Variants in A1CF observed in about 807,000 individuals in gnomAD.
A1CF encodes APOBEC-1 stimulating protein.
In A1CF, 48 loss-of-function variants were observed where a neutral mutation model predicts 68.9. The observed-to-expected ratio is 0.70, with a 90% confidence interval of 0.55 to 0.89. A1CF has a LOEUF of 0.89. A1CF is among the 40% of genes least tolerant of loss of function. A1CF has a pLI of 0.00. For missense variants in A1CF, 653 were observed against 718.9 expected (o/e 0.91, Z 1.05); for synonymous variants, 272 against 260.4 (o/e 1.04, Z -0.43).
chr10:50,847,887 T>A (rs1275359459), intron 3 of A1CF, among the ~76,000 whole-genome samples: 3 of 152,164 alleles, frequency 2.0e-5, no homozygotes, highest in African/African-American at 7.2e-5. Flanking sequence ...GGTTTTGGGT[T>A]TTGTTCTTAA....
At chr10:50,856,477 A>G (rs1200857279) in intron 3 of A1CF, among the ~76,000 whole-genome samples, 1 of 152,128 alleles carries the variant, frequency 6.6e-6, no homozygotes, top group African/African-American at 2.4e-5. Context: ...GCTAGTCAAT[A>G]TTACTTAAAG....
Position 50,844,060 on chromosome 10 carries a change from C to G in A1CF, c.162G>C (p.Arg54Ser). The G allele has an allele frequency of 6.2e-7, 1 of 1,613,724 alleles. No homozygotes were observed. Among genetic ancestry groups the G allele is most frequent in the Non-Finnish European group, 8.5e-7 (1 of 1,179,858 alleles). ...PPGWDAAPPE[R>S]GCEIFIGKLP... ...GTTTTCCAATAAAAATTTCACAGCCCCTTTCAGGGGGTGCAGCATCCCAAC... is the reference window on the plus strand; with the variant it reads ...GTTTTCCAATAAAAATTTCACAGCCGCTTTCAGGGGGTGCAGCATCCCAAC... The change falls in exon 4 of 13, where the codon AGG (arginine) becomes AGC (serine). Residue 54 changes from arginine to serine, a missense_variant. Physicochemically the swap from Arg to Ser is moderately radical, Grantham distance 110. Coordinates refer to ENST00000373997, the MANE Select transcript of A1CF (RefSeq NM_014576.4).
At chr10:50,859,676 G>T (rs1840650790) in intron 3 of A1CF, among the ~76,000 whole-genome samples, 166 bp downstream of exon 3, 1 of 152,236 alleles carries the variant, frequency 6.6e-6, no homozygotes, top group Non-Finnish European at 1.5e-5. Flanking sequence ...TACATTCAGT[G>T]TCATCTACAA....
At chr10:50,849,221 T>C (rs2132482063) in intron 3 of A1CF, among the ~76,000 whole-genome samples, 1 of 152,346 alleles carries the variant, frequency 6.6e-6, no homozygotes, top group Non-Finnish European at 1.5e-5. Context: ...TATTCATTTC[T>C]AAATTGTATA....
chr10:50,875,723 T>C (rs1291576433), intron 1 of A1CF, among the ~76,000 whole-genome samples: 1 of 152,224 alleles, frequency 6.6e-6, no homozygotes, highest in Non-Finnish European at 1.5e-5. Flanking sequence ...ATTACTGGAC[T>C]TACCCTGAGC....
At chr10:50,842,894 C>T (rs551086962) in intron 4 of A1CF, among the ~76,000 whole-genome samples, 1 of 152,272 alleles carries the variant, frequency 6.6e-6, no homozygotes, top group Admixed American at 6.5e-5. Context: ...AGGGCTAGGG[C>T]CTCCAGAGCA....
chr10:50,812,156 T>C (rs1838145672), intron 10 of A1CF, among the ~76,000 whole-genome samples: 1 of 152,232 alleles, frequency 6.6e-6, no homozygotes, highest in Non-Finnish European at 1.5e-5. Flanking sequence ...GAGCATTCTC[T>C]ACAGTTCTTG....
At chr10:50,809,162 T>C (rs963592017) in intron 12 of A1CF, among the ~76,000 whole-genome samples, 1 of 152,168 alleles carries the variant, frequency 6.6e-6, no homozygotes, top group African/African-American at 2.4e-5. Context: ...TTTTAAAATG[T>C]GACCTCTGAA....
Position 50,828,299 on chromosome 10 carries a change from T to A in A1CF, c.605-4A>T. 1 of 1,540,274 alleles carries A rather than the reference T, an allele frequency of 6.5e-7. No homozygotes were observed. The highest frequency in any genetic ancestry group is 2.3e-5 in the East Asian group (1 of 43,810). ...TGTCCCCATAACTGAATTCTTCCTG[T>A]TGAAAATGATCACCATTATGATTAA... On this transcript the variant is annotated splice_polypyrimidine_tract_variant and splice_region_variant and intron_variant, in intron 6 of 12. Coordinates refer to ENST00000373997, the MANE Select transcript of A1CF (RefSeq NM_014576.4).
chr10:50,857,932 A>G (rs1191021158), intron 3 of A1CF, among the ~76,000 whole-genome samples: 1 of 152,178 alleles, frequency 6.6e-6, no homozygotes, highest in Non-Finnish European at 1.5e-5. Context: ...AGATCGTAAA[A>G]AGAATCTCAC....
At chr10:50,844,150 G>A (rs1380054608) in intron 3 of A1CF, 28 bp from the exon 4 acceptor site, 30 of 1,597,312 alleles carry the variant, frequency 1.9e-5, no homozygotes, top group African/African-American at 5.4e-5. Flanking sequence ...GTGTGAAGGA[G>A]AGGAGAAAAT....
intron 7 of A1CF, 152 bp from the exon 8 acceptor site, chr10:50,820,801 T>A (rs1838618263): frequency 1.9e-6 from 1 of 530,556 alleles, no homozygotes; most frequent in Non-Finnish European, 3.2e-6. Context: ...CAACAGAAGA[T>A]TTTTTTTGCA....
At chr10:50,852,569 T>G (rs1279620473) in intron 3 of A1CF, among the ~76,000 whole-genome samples, 1 of 152,148 alleles carries the variant, frequency 6.6e-6, no homozygotes, top group East Asian at 1.9e-4. Flanking sequence ...TTTAAAGAAT[T>G]GGTATCCGTG....
At chr10:50,811,462 T>G (rs1420027060) in intron 10 of A1CF, among the ~76,000 whole-genome samples, 4 of 152,216 alleles carry the variant, frequency 2.6e-5, no homozygotes, top group Admixed American at 6.5e-5. Flanking sequence ...TTTTATGATT[T>G]GTTTGGAATA....
chr10:50,826,163 A>T (rs1354262564), intron 7 of A1CF, among the ~76,000 whole-genome samples: 1 of 152,160 alleles, frequency 6.6e-6, no homozygotes, highest in African/African-American at 2.4e-5. Context: ...ATGTCTGAAG[A>T]TGGAGGAAAC....
At chr10:50,835,940 C>G in intron 6 of A1CF, 134 bp downstream of exon 6, 2 of 798,144 alleles carry the variant, frequency 2.5e-6, no homozygotes, top group Non-Finnish European at 3.9e-6. Context: ...AACTGTGAGA[C>G]AGTGAAGAAG....
chr10:50,872,061 C>CAT (rs1190247129), intron 1 of A1CF, among the ~76,000 whole-genome samples: 1 of 151,902 alleles, frequency 6.6e-6, no homozygotes, highest in Non-Finnish European at 1.5e-5. Flanking sequence ...ATAATAGACA[C>CAT]ATATCAGTGG....
At position 50,839,989 on chromosome 10, in the gene A1CF, G is replaced by A. The variant is rs187826826; in HGVS notation, c.365+1873C>T. On this transcript the variant is annotated intron_variant, in intron 5 of 12. Transcript: ENST00000373997. ...ACTCCCAACCTCAGGTGATCCGCCC[G>A]CCTTGGCCTCCCAAAGTGCTAGGAT... Among the ~76,000 whole-genome samples, 29 of 152,246 alleles carry A rather than the reference G, an allele frequency of 1.9e-4. No homozygotes were observed. In the East Asian group the frequency reaches 5.2e-3, roughly 27 times the overall value.
At chr10:50,846,144 A>G (rs1294484516) in intron 3 of A1CF, among the ~76,000 whole-genome samples, 1 of 152,164 alleles carries the variant, frequency 6.6e-6, no homozygotes, top group African/African-American at 2.4e-5. Flanking sequence ...ATGATGCCAC[A>G]AGTAGAAAAT....
Sources: allele counts gnomAD v4.1 joint callset (sites outside exome capture counted in the v4.1 genomes callset), GRCh38; gene constraint gnomAD v4.1.1; transcripts MANE v1.5; gene names NCBI Gene and HGNC (gene_info 2026-07-23, HGNC 2026-07-21).